STON1: variants seen among roughly 807,000 people sequenced by gnomAD.
The protein encoded by STON1 is stonin-1.
STON1 carries 79 observed loss-of-function variants against 60.9 expected under a neutral mutation model. The observed-to-expected ratio is 1.30, with a 90% CI of 1.08 to 1.56. STON1 has a LOEUF of 1.56. Among genes scored for constraint, STON1 ranks in the 40% most tolerant of loss-of-function variants. The pLI is 0.00. For missense variants in STON1, 1,166 were observed against 858.9 expected (o/e 1.36, Z -4.47); for synonymous variants, 363 against 306.9 (o/e 1.18, Z -1.91).
chr2:48,582,614 T>C, intron 2 of STON1, 51 bp downstream of exon 2: 1 of 1,563,928 alleles, frequency 6.4e-7, no homozygotes, highest in South Asian at 1.2e-5. Context: ...GCTTAAATAT[T>C]CTTACCTTCC....
At chr2:48,566,851 C>T (rs937069683) in intron 1 of STON1, among the ~76,000 whole-genome samples, 1 of 152,060 alleles carries the variant, frequency 6.6e-6, no homozygotes, top group Non-Finnish European at 1.5e-5. Context: ...GGTGTGGCCT[C>T]GAGCCATTGG....
At chr2:48,576,300 A>G (rs1237174180) in intron 1 of STON1, among the ~76,000 whole-genome samples, 1 of 134,838 alleles carries the variant, frequency 7.4e-6, no homozygotes, top group Non-Finnish European at 1.5e-5. Flanking sequence ...AGTGATTCTC[A>G]TGCCTCAGCC....
chr2:48,596,670 G>T lies in STON1; in HGVS notation c.*1368G>T, dbSNP rs1038884715. 6.6e-6 allele frequency: 1 copy of T among 151,784 alleles called. No individual in the cohort carries two copies. The highest frequency in any genetic ancestry group is 1.9e-4 in the East Asian group (1 of 5,176). 9.4% of individuals were successfully genotyped at this position (151,784 alleles called of 1,614,324 possible). On this transcript the variant is annotated 3_prime_UTR_variant, in exon 4 of 4. Transcript: ENST00000404752. ...TGTTGGCCTACAGAGTTTATTTCAT[G>T]TGTTTTTTTTAATATTTAATATTAT...
rs1231055971 is a variant in STON1 at position 48,598,350 on chromosome 2, G to A, written c.*3048G>A. On this transcript the variant is annotated 3_prime_UTR_variant, in exon 4 of 4. Coordinates refer to ENST00000404752, the MANE Select transcript of STON1 (RefSeq NM_006873.4). ...TACAGCCCCTTTTCTTATAAAGTCA[G>A]TTAGAAGGACTTCCTTAACAATGAC... The A allele has an allele frequency of 6.6e-6, 1 of 152,564 alleles. No homozygotes were observed. The highest frequency in any genetic ancestry group is 1.5e-5 in the Non-Finnish European group (1 of 68,046). The allele number at this position is 152,564 out of a possible 1,614,324, so 9.5% of individuals were successfully genotyped here. A position where few individuals can be genotyped will look rare whatever the true frequency, so the allele number is the denominator to read the frequency against.
At position 48,582,317 on chromosome 2, in the gene STON1, T is replaced by C. The variant is rs1291623672; in HGVS notation, c.1684T>C (p.Leu562=). 2 of 1,614,232 alleles carry C rather than the reference T, an allele frequency of 1.2e-6. No individual in the cohort carries two copies. Among genetic ancestry groups the C allele is most frequent in the Non-Finnish European group, 1.7e-6 (2 of 1,180,044 alleles). Residue 562 remains leucine (L), a synonymous_variant, in exon 2 of 4, where the codon TTA becomes CTA. Coordinates refer to ENST00000404752, the MANE Select transcript of STON1 (RefSeq NM_006873.4). ...GCAGAGGTCATCCTATGCTGGTTCC[T>C]TAAGGTCCTGTGACAATATAAGGAT... ...LAQRSSYAGS[L]RSCDNIRIHF... is the part of the protein sequence containing the mutation.
rs116147474 is a variant in STON1, at chr2:48,595,285, G to C, written c.2191G>C (p.Asp731His). The change falls in exon 4 of 4, where the codon GAC becomes CAC. Residue 731 changes from aspartate to histidine, a missense_variant. Coordinates refer to ENST00000404752, the MANE Select transcript of STON1 (RefSeq NM_006873.4). ...TGGAGAAGACCCAGATAAAATTGGT[G>C]ACTGCATAACTCAGTAGGAGTAGCA... ...IDGEDPDKIG[D>H]CITQ 2,445 of 1,613,762 alleles carry C rather than the reference G, an allele frequency of 1.5e-3. 38 individuals are homozygous for C. The African/African-American group carries it at 0.028, about 19-fold the overall frequency.
rs1558604783 is a variant in STON1 at position 48,564,480 on chromosome 2, T to TTCTTCTTCTTCTTCTTCTTC, written c.-47-16106_-47-16105insCTTCTTCTTCTTCTTCTTCT. Among the ~76,000 whole-genome samples the TTCTTCTTCTTCTTCTTCTTC allele has an allele frequency of 5.5e-4, 18 of 32,492 alleles. 2 individuals are homozygous for TTCTTCTTCTTCTTCTTCTTC. The highest frequency in any genetic ancestry group is 1.5e-3 in the African/African-American group (13 of 8,680). 21.3% of individuals were successfully genotyped at this position (32,492 alleles called of 152,430 possible). On this transcript the variant is annotated intron_variant, in intron 1 of 3. Coordinates refer to ENST00000404752, the MANE Select transcript of STON1 (RefSeq NM_006873.4). ...CTTCTTCTTCTTCTTCTTCTTCTTC[T>TTCTTCTTCTTCTTCTTCTTC]TTCTTCTTCTTCTTCTTCTTCTTCT...
chr2:48,544,184 TTGTG>T (rs34920901), intron 1 of STON1, among the ~76,000 whole-genome samples: 19 of 145,270 alleles, frequency 1.3e-4, no homozygotes, highest in African/African-American at 4.6e-4. Context: ...TCTCTGGATT[TTGTG>T]TGTGTGTGTG....
chr2:48,553,332 A>G (rs1304264045), intron 1 of STON1, among the ~76,000 whole-genome samples: 1 of 151,918 alleles, frequency 6.6e-6, no homozygotes, highest in Admixed American at 6.6e-5. Flanking sequence ...TTCAGGGGGC[A>G]AATACCTCTC....
chr2:48,568,575 C>G (rs1030054340), intron 1 of STON1, among the ~76,000 whole-genome samples: 13 of 151,982 alleles, frequency 8.6e-5, no homozygotes, highest in African/African-American at 3.1e-4. Flanking sequence ...ACTGGAATCG[C>G]CACTAAAAGA....
rs893367550 is a variant in STON1, at chr2:48,595,515, G to A, written c.*213G>A. Reference sequence around the variant, plus strand: ...TTGTCCTAGGGGTTCGATCTAAAATGTTTCTATAATTCGTGTGATGTTTTG... The same window carrying A: ...TTGTCCTAGGGGTTCGATCTAAAATATTTCTATAATTCGTGTGATGTTTTG... On this transcript the variant is annotated 3_prime_UTR_variant, in exon 4 of 4. Coordinates refer to ENST00000404752, the MANE Select transcript of STON1 (RefSeq NM_006873.4). 1 of 501,226 alleles carries A rather than the reference G, an allele frequency of 2.0e-6. No homozygotes were observed. Among genetic ancestry groups the A allele is most frequent in the Non-Finnish European group, 3.5e-6 (1 of 284,330 alleles). The allele number at this position is 501,226 out of a possible 1,614,324, so 31.0% of individuals were successfully genotyped here. A position where few individuals can be genotyped will look rare whatever the true frequency, so the allele number is the denominator to read the frequency against.
At chr2:48,583,754 C>CTTT (rs905822150) in intron 2 of STON1, among the ~76,000 whole-genome samples, 3 of 133,696 alleles carry the variant, frequency 2.2e-5, no homozygotes, top group Non-Finnish European at 4.8e-5. Flanking sequence ...TCTTTTTTTT[C>CTTT]TTTTTTTTTT....
At chr2:48,552,498 C>T (rs899768137) in intron 1 of STON1, among the ~76,000 whole-genome samples, 1 of 152,150 alleles carries the variant, frequency 6.6e-6, no homozygotes, top group Non-Finnish European at 1.5e-5. Context: ...TGTGGTGGCT[C>T]ATGCCTGTAA....
chr2:48,589,055 AATT>A (rs1674370189), intron 2 of STON1, among the ~76,000 whole-genome samples: 1 of 152,182 alleles, frequency 6.6e-6, no homozygotes, highest in African/African-American at 2.4e-5. Flanking sequence ...GGTGGCACAG[AATT>A]ATTAAGGGGA....
intron 1 of STON1, among the ~76,000 whole-genome samples, chr2:48,575,915 C>T (rs766224759): frequency 2.6e-5 from 4 of 151,350 alleles, no homozygotes; most frequent in Non-Finnish European, 2.9e-5. Context: ...TGCGCCACCA[C>T]GCCTGGCTAA....
intron 2 of STON1, among the ~76,000 whole-genome samples, chr2:48,586,018 C>T (rs1467361966): frequency 6.6e-6 from 1 of 152,238 alleles, no homozygotes; most frequent in Non-Finnish European, 1.5e-5. Context: ...TAGTCCATTC[C>T]TATTGCTCTA....
Position 48,584,424 on chromosome 2 carries a change from C to T in STON1, c.1930+1861C>T, listed in dbSNP as rs143231344. On this transcript the variant is annotated intron_variant, in intron 2 of 3. Transcript: ENST00000404752. ...CTGGGACGACAGGCGTGAGCCACCACGCCTGGCTAGTTTTTTTATTTTTAG... is the reference window on the plus strand; with the variant it reads ...CTGGGACGACAGGCGTGAGCCACCATGCCTGGCTAGTTTTTTTATTTTTAG... Among the ~76,000 whole-genome samples the T allele has an allele frequency of 1.4e-3, 218 of 152,082 alleles. 1 individual carries two copies. The highest frequency in any genetic ancestry group is 0.014 in the Middle Eastern group (4 of 294).
Position 48,580,512 on chromosome 2 carries a change from A to C in STON1, c.-47-75A>C, listed in dbSNP as rs1558630765. The C allele has an allele frequency of 2.4e-6, 3 of 1,262,762 alleles. No homozygotes were observed. In the East Asian group the frequency reaches 9.1e-5, roughly 38 times the overall value. 78.2% of individuals were successfully genotyped at this position (1,262,762 alleles called of 1,614,324 possible). A position where few individuals can be genotyped will look rare whatever the true frequency, so the allele number is the denominator to read the frequency against. On this transcript the variant is annotated intron_variant, in intron 1 of 3. Transcript: ENST00000404752. Reference sequence around the variant, plus strand: ...ATTATAATTTTTAAGCATTTATCAGAAGTAAAGACATTTAGTAATGATTCC... The same window carrying C: ...ATTATAATTTTTAAGCATTTATCAGCAGTAAAGACATTTAGTAATGATTCC...
chr2:48,594,310 C>T (rs1378755422), intron 3 of STON1, among the ~76,000 whole-genome samples: 9 of 152,168 alleles, frequency 5.9e-5, no homozygotes, highest in Non-Finnish European at 2.9e-5. Flanking sequence ...TTTTCCTATT[C>T]ACAGGGCATG....
Sources: gnomAD v4.1 joint callset for allele counts (sites outside exome capture counted in the v4.1 genomes callset) on GRCh38, gnomAD v4.1.1 for gene constraint, MANE v1.5 for transcripts, NCBI Gene and HGNC (gene_info 2026-07-23, HGNC 2026-07-21) for gene names.